Variants in CSMD1 observed in about 807,000 individuals in gnomAD.
CSMD1 encodes CUB and Sushi multiple domains 1.
Under a neutral mutation model 417.5 loss-of-function variants are expected in CSMD1, and 213 were observed. That is an observed-to-expected ratio of 0.51 (90% CI 0.46 to 0.57). CSMD1 has a LOEUF of 0.57. CSMD1 is among the 20% of genes least tolerant of loss of function. The pLI, the probability that CSMD1 is intolerant of heterozygous loss-of-function variation, is 0.00. For synonymous variants in CSMD1, 2,862 were observed against 1,736.8 expected (o/e 1.65, Z -16.11); for missense variants, 6,923 against 4,529.7 (o/e 1.53, Z -15.17).
At chr8:3,891,836 T>A (rs986501756) in intron 5 of CSMD1, among the ~76,000 whole-genome samples, 1 of 152,188 alleles carries the variant, frequency 6.6e-6, no homozygotes, top group African/African-American at 2.4e-5. Context: ...TCATCTGTAA[T>A]GGTAATCCAT....
intron 5 of CSMD1, among the ~76,000 whole-genome samples, chr8:3,881,911 A>T (rs10112274): frequency 0.03 from 4,535 of 152,274 alleles, 241 homozygotes; most frequent in African/African-American, 0.1. Flanking sequence ...ATACAGAAAA[A>T]GTTACCTGGA....
intron 1 of CSMD1, among the ~76,000 whole-genome samples, chr8:4,952,419 C>G (rs1452901155): frequency 6.6e-6 from 1 of 151,922 alleles, no homozygotes; most frequent in Non-Finnish European, 1.5e-5. Flanking sequence ...ATGGAAGAGT[C>G]TATATTAGTG....
At chr8:4,049,104 T>G (rs1188451675) in intron 3 of CSMD1, among the ~76,000 whole-genome samples, 2 of 152,156 alleles carry the variant, frequency 1.3e-5, no homozygotes, top group African/African-American at 4.8e-5. Flanking sequence ...TATCCTGCTC[T>G]CTCCACATTC....
At chr8:3,965,606 T>G (rs1262682403) in intron 5 of CSMD1, among the ~76,000 whole-genome samples, 1 of 151,942 alleles carries the variant, frequency 6.6e-6, no homozygotes, top group Admixed American at 6.6e-5. Flanking sequence ...TTTTTAAAAT[T>G]TCTTTTTATT....
At chr8:4,960,290 T>C (rs531941478) in intron 1 of CSMD1, among the ~76,000 whole-genome samples, 6 of 152,334 alleles carry the variant, frequency 3.9e-5, no homozygotes, top group Non-Finnish European at 8.8e-5. Flanking sequence ...TGTTTAATTT[T>C]GCAACGCCCC....
At chr8:3,800,867 T>G (rs1007338760) in intron 5 of CSMD1, among the ~76,000 whole-genome samples, 1 of 152,156 alleles carries the variant, frequency 6.6e-6, no homozygotes, top group Admixed American at 6.6e-5. Flanking sequence ...CACCAGAGAC[T>G]GGTGCCATGC....
At chr8:4,624,711 C>G (rs1193147753) in intron 2 of CSMD1, among the ~76,000 whole-genome samples, 1 of 152,084 alleles carries the variant, frequency 6.6e-6, no homozygotes, top group East Asian at 1.9e-4. Flanking sequence ...ATGTATTTTT[C>G]TATGATCTGA....
intron 7 of CSMD1, among the ~76,000 whole-genome samples, chr8:3,692,147 C>T (rs1039690051): frequency 6.6e-6 from 1 of 152,148 alleles, no homozygotes; most frequent in Non-Finnish European, 1.5e-5. Flanking sequence ...CTATCCCAGC[C>T]GCTAATGACC....
chr8:4,083,934 C>G lies in CSMD1; in HGVS notation c.416-51835G>C, dbSNP rs113025926. Reference sequence around the variant, plus strand: ...ACAAAATGAGAGAAAACTTTCGCAACCTACTCACATCTGACAAAGGGCTAA... The same window carrying G: ...ACAAAATGAGAGAAAACTTTCGCAAGCTACTCACATCTGACAAAGGGCTAA... On this transcript the variant is annotated intron_variant, in intron 3 of 69. Coordinates refer to ENST00000635120, the MANE Select transcript of CSMD1 (RefSeq NM_033225.6). Among the ~76,000 whole-genome samples, 360 of 152,240 alleles carry G rather than the reference C, an allele frequency of 2.4e-3. 3 individuals carry two copies. The highest frequency in any genetic ancestry group is 8.2e-3 in the African/African-American group (340 of 41,546).
At chr8:3,726,668 C>G (rs901521706) in intron 6 of CSMD1, among the ~76,000 whole-genome samples, 1 of 152,130 alleles carries the variant, frequency 6.6e-6, no homozygotes, top group African/African-American at 2.4e-5. Flanking sequence ...TGACATCAGT[C>G]TGTAGTTCTG....
Position 4,093,200 on chromosome 8 carries a change from A to C in CSMD1, c.416-61101T>G, listed in dbSNP as rs904187569. ...GTAAACAGAAAATTTGAAGTTTCAC[A>C]TTATGTAAATAAAGTATAATTTACC... On this transcript the variant is annotated intron_variant, in intron 3 of 69. Coordinates refer to ENST00000635120, the MANE Select transcript of CSMD1 (RefSeq NM_033225.6). Among the ~76,000 whole-genome samples, 5 of 152,236 alleles carry C rather than the reference A, an allele frequency of 3.3e-5. No homozygotes were observed. In the East Asian group the frequency reaches 7.7e-4, roughly 23 times the overall value.
intron 5 of CSMD1, among the ~76,000 whole-genome samples, chr8:3,912,554 G>A (rs1301464415): frequency 1.3e-5 from 2 of 152,142 alleles, no homozygotes; most frequent in African/African-American, 2.4e-5. Flanking sequence ...TAGCTTCTCT[G>A]CCAAGGTGGT....
At chr8:4,990,957 ATTAC>A (rs1000783905) in intron 1 of CSMD1, among the ~76,000 whole-genome samples, 14 of 152,108 alleles carry the variant, frequency 9.2e-5, no homozygotes, top group Non-Finnish European at 1.8e-4. Context: ...AAATGTTTGA[ATTAC>A]TTACTTTAAC....
chr8:4,140,703 G>C (rs1470394308), intron 3 of CSMD1, among the ~76,000 whole-genome samples: 1 of 150,750 alleles, frequency 6.6e-6, no homozygotes, highest in Non-Finnish European at 1.5e-5. Flanking sequence ...GAAAACCCAT[G>C]GATGGTGTTC....
chr8:3,371,082 C>T (rs1244472958), intron 18 of CSMD1, among the ~76,000 whole-genome samples: 2 of 152,134 alleles, frequency 1.3e-5, no homozygotes, highest in African/African-American at 2.4e-5. Flanking sequence ...ACCATCAGAC[C>T]CAGAACATAC....
At chr8:4,630,364 T>C (rs1304649550) in intron 2 of CSMD1, among the ~76,000 whole-genome samples, 1 of 151,878 alleles carries the variant, frequency 6.6e-6, no homozygotes. Flanking sequence ...AGGAGAGAAT[T>C]AGGTATAACC....
intron 8 of CSMD1, among the ~76,000 whole-genome samples, chr8:3,611,670 T>C (rs1801901278): frequency 6.6e-6 from 1 of 152,166 alleles, no homozygotes; most frequent in African/African-American, 2.4e-5. Flanking sequence ...TTTGACAGTT[T>C]TTCAATGCTT....
intron 5 of CSMD1, among the ~76,000 whole-genome samples, chr8:3,860,928 T>A (rs556375168): frequency 1.4e-4 from 21 of 152,326 alleles, no homozygotes; most frequent in South Asian, 4.1e-4. Context: ...GAATTATTTT[T>A]AAAATATATT....
chr8:4,819,225 C>T (rs1005927477), intron 1 of CSMD1, among the ~76,000 whole-genome samples: 2 of 152,070 alleles, frequency 1.3e-5, no homozygotes, highest in East Asian at 3.9e-4. Flanking sequence ...ACAATTATTA[C>T]AATATTAACT....
Sources: allele counts gnomAD v4.1 joint callset (sites outside exome capture counted in the v4.1 genomes callset), GRCh38; gene constraint gnomAD v4.1.1; transcripts MANE v1.5; gene names NCBI Gene and HGNC (gene_info 2026-07-23, HGNC 2026-07-21).